Variants in SCRN3 observed in about 807,000 individuals in gnomAD.
SCRN3 encodes secernin 3.
A neutral mutation model predicts 43.1 loss-of-function variants in SCRN3; 39 were observed. The observed-to-expected ratio is 0.91, with a 90% CI of 0.70 to 1.18. The LOEUF (loss-of-function observed/expected upper bound fraction) is 1.18. Ranked by LOEUF, SCRN3 falls within the 50% of genes most tolerant of loss-of-function variation. The pLI is 0.00. For missense variants in SCRN3, 484 were observed against 498.0 expected, an observed-to-expected ratio of 0.97 and a Z score of 0.27; for synonymous variants, 147 against 163.1, an observed-to-expected ratio of 0.90 and a Z score of 0.75.
chr2:174,401,248 C>T (rs1685500772), intron 4 of SCRN3, 59 bp downstream of exon 4: 1 of 1,264,764 alleles, frequency 7.9e-7, no homozygotes, highest in Non-Finnish European at 1.1e-6. Flanking sequence ...ACACCCTTAC[C>T]TATAGATATT....
chr2:174,426,073 G>C (rs1686471749), intron 7 of SCRN3, among the ~76,000 whole-genome samples: 1 of 152,048 alleles, frequency 6.6e-6, no homozygotes, highest in South Asian at 2.1e-4. Flanking sequence ...TTTTATCCCA[G>C]TTTATTGTTT....
At chr2:174,396,869 C>T (rs1295836622) in intron 1 of SCRN3, 1 of 153,916 alleles carries the variant, frequency 6.5e-6, no homozygotes, top group African/African-American at 2.4e-5. Flanking sequence ...ACAATAACAG[C>T]TTTCATGTGA....
chr2:174,400,463 A>T (rs11888810), intron 3 of SCRN3, among the ~76,000 whole-genome samples: 36,259 of 151,748 alleles, frequency 0.24, 5,785 homozygotes, highest in East Asian at 0.7. Flanking sequence ...ATTTTTAATT[A>T]AAAAAAATTT....
rs1453762280 is a variant in SCRN3 at position 174,401,023 on chromosome 2, A to G, written c.375A>G (p.Lys125=). 3.1e-6 allele frequency: 5 copies of G among 1,613,308 alleles called. No individual in the cohort carries two copies. The highest frequency in any genetic ancestry group is 4.2e-6 in the Non-Finnish European group (5 of 1,179,616). Residue 125 remains lysine, a synonymous_variant, in exon 4 of 8, where the codon AAA becomes AAG. Transcript: ENST00000272732. ...LGLERADTAE[K]ALNVIVDLLE... is the part of the protein sequence containing the mutation. ...TTGAAAGAGCTGATACAGCTGAAAA[A>G]GCCCTCAATGTCATTGTTGACTTAC...
chr2:174,424,884 G>T (rs1029542974), intron 7 of SCRN3, among the ~76,000 whole-genome samples: 2 of 152,162 alleles, frequency 1.3e-5, no homozygotes, highest in Non-Finnish European at 1.5e-5. Flanking sequence ...GCTAACATTT[G>T]TTGAACACTT....
chr2:174,426,787 C>CAAAACA (rs1280206081), intron 7 of SCRN3, among the ~76,000 whole-genome samples: 3 of 151,650 alleles, frequency 2.0e-5, no homozygotes, highest in Admixed American at 6.6e-5. Context: ...CAAAACAAAA[C>CAAAACA]AAAACAAAAA....
At chr2:174,409,861 A>G (rs1685839404) in intron 5 of SCRN3, among the ~76,000 whole-genome samples, 1 of 140,584 alleles carries the variant, frequency 7.1e-6, no homozygotes, top group South Asian at 2.2e-4. Context: ...GCTCTCTTCA[A>G]AGCTGTCAGA....
chr2:174,397,856 A>G (rs752275579), intron 1 of SCRN3, among the ~76,000 whole-genome samples: 2 of 152,272 alleles, frequency 1.3e-5, no homozygotes, highest in Non-Finnish European at 2.9e-5. Context: ...AATGTGAACT[A>G]TACAGTAGAA....
intron 5 of SCRN3, among the ~76,000 whole-genome samples, chr2:174,418,696 A>G (rs1205448661): frequency 6.6e-6 from 1 of 152,180 alleles, no homozygotes; most frequent in Non-Finnish European, 1.5e-5. Context: ...GTTTTTTATT[A>G]AAACTTGCCA....
In SCRN3 at chr2:174,404,458, A is replaced by T. The variant is rs941175012; in HGVS notation, c.754+143A>T. The stretch of plus-strand genomic sequence containing the variant: ...AATGAAAAATATTTATTATAAACCT[A>T]TTTTTTTTTTATTATACTTTAAGTT... On this transcript the variant is annotated intron_variant, in intron 5 of 7. Coordinates refer to ENST00000272732, the MANE Select transcript of SCRN3 (RefSeq NM_024583.5). The T allele has an allele frequency of 4.6e-4, 237 of 514,208 alleles. 1 individual carries two copies. The East Asian group carries it at 8.6e-3, about 19-fold the overall frequency. The allele number at this position is 514,208 out of a possible 1,614,324, so 31.9% of individuals were successfully genotyped here. A position where few individuals can be genotyped will look rare whatever the true frequency, so the allele number is the denominator to read the frequency against.
chr2:174,423,111 T>C, intron 6 of SCRN3, 64 bp downstream of exon 6: 11 of 1,340,572 alleles, frequency 8.2e-6, no homozygotes, highest in Non-Finnish European at 1.0e-5. Context: ...CATTAGTATG[T>C]TAATAATTTT....
At chr2:174,425,582 A>G (rs947419039) in intron 7 of SCRN3, among the ~76,000 whole-genome samples, 4 of 152,108 alleles carry the variant, frequency 2.6e-5, no homozygotes, top group African/African-American at 4.8e-5. Flanking sequence ...CATTGTTTCT[A>G]TGCCTTTTTT....
chr2:174,409,630 G>C (rs1013397351), intron 5 of SCRN3, among the ~76,000 whole-genome samples: 4 of 134,532 alleles, frequency 3.0e-5, no homozygotes, highest in Non-Finnish European at 5.0e-5. Context: ...TGTACAGATG[G>C]GTTTTCGGTG....
In SCRN3 at chr2:174,401,026, C is replaced by T. The variant is rs538706616; in HGVS notation, c.378C>T (p.Ala126=). Residue 126 remains alanine (A), a synonymous_variant, in exon 4 of 8, where the codon GCC becomes GCT. Transcript: ENST00000272732. ...AAAGAGCTGATACAGCTGAAAAAGC[C>T]CTCAATGTCATTGTTGACTTACTAG... ...GLERADTAEK[A]LNVIVDLLEK... is the part of the protein sequence containing the mutation. 2.5e-6 allele frequency: 4 copies of T among 1,613,388 alleles called. No homozygotes were observed. The highest frequency in any genetic ancestry group is 2.7e-5 in the African/African-American group (2 of 74,924).
At chr2:174,402,414 A>G (rs955523441) in intron 4 of SCRN3, among the ~76,000 whole-genome samples, 4 of 152,220 alleles carry the variant, frequency 2.6e-5, no homozygotes, top group African/African-American at 7.2e-5. Flanking sequence ...TTGGCTGGGC[A>G]TGGTGGCTCA....
rs199657952 is a variant in SCRN3, at chr2:174,414,137, TC to T, written c.755-8745del. Among the ~76,000 whole-genome samples, 1,482 of 152,328 alleles carry T rather than the reference TC, an allele frequency of 9.7e-3. 32 individuals carry two copies. The highest frequency in any genetic ancestry group is 0.034 in the African/African-American group (1,406 of 41,556). On this transcript the variant is annotated intron_variant, in intron 5 of 7. Coordinates refer to ENST00000272732, the MANE Select transcript of SCRN3 (RefSeq NM_024583.5). ...CAGGTAGTTGTTTTTCTGTATTTTG[TC>T]CCAAGTTGATAGTTATCTGCGGGAG...
At chr2:174,405,718 C>T (rs1473969228) in intron 5 of SCRN3, among the ~76,000 whole-genome samples, 1 of 150,006 alleles carries the variant, frequency 6.7e-6, no homozygotes, top group Admixed American at 6.7e-5. Flanking sequence ...ATAGGGAATC[C>T]TTTCCCCATT....
In SCRN3 at chr2:174,399,917, T is replaced by TTA. The variant is rs1268687978; in HGVS notation, c.160-5_160-4insTA. On this transcript the variant is annotated splice_region_variant and splice_polypyrimidine_tract_variant and intron_variant, in intron 2 of 7. Coordinates refer to ENST00000272732, the MANE Select transcript of SCRN3 (RefSeq NM_024583.5). ...GCTATGACTTTTTTTTTTTTTTTTTTACAGTGTACATATATAGAAATTGAT... is the reference window on the plus strand; with the variant it reads ...GCTATGACTTTTTTTTTTTTTTTTTTTAACAGTGTACATATATAGAAATTGAT... 1 of 1,279,142 alleles carries TTA rather than the reference T, an allele frequency of 7.8e-7. No individual in the cohort carries two copies. Among genetic ancestry groups the TTA allele is most frequent in the Non-Finnish European group, 1.0e-6 (1 of 980,788 alleles). 79.2% of individuals were successfully genotyped at this position (1,279,142 alleles called of 1,614,324 possible).
chr2:174,398,951 C>T (rs1339578558), intron 2 of SCRN3, among the ~76,000 whole-genome samples: 1 of 152,148 alleles, frequency 6.6e-6, no homozygotes, highest in Non-Finnish European at 1.5e-5. Flanking sequence ...GGAAAGTCAT[C>T]CCAGACTTTA....
Sources: allele counts gnomAD v4.1 joint callset (sites outside exome capture counted in the v4.1 genomes callset), GRCh38; gene constraint gnomAD v4.1.1; transcripts MANE v1.5; gene names NCBI Gene and HGNC (gene_info 2026-07-23, HGNC 2026-07-21).